Variants in KIF18A observed in about 807,000 individuals in gnomAD.
KIF18A encodes the protein kinesin-like protein KIF18A.
Under a neutral mutation model 103.3 loss-of-function variants are expected in KIF18A, and 67 were observed. The observed-to-expected ratio is 0.65, with a 90% CI of 0.53 to 0.79. KIF18A has a LOEUF of 0.79. KIF18A is among the 30% of genes least tolerant of loss of function. The pLI, the probability that KIF18A is intolerant of heterozygous loss-of-function variation, is 0.00. For missense variants in KIF18A, 1,032 were observed against 1,062.5 expected (o/e 0.97, Z 0.40); for synonymous variants, 367 against 355.5 (o/e 1.03, Z -0.36).
chr11:28,028,243 C>T (rs898673782), intron 15 of KIF18A, among the ~76,000 whole-genome samples: 1 of 152,036 alleles, frequency 6.6e-6, no homozygotes, highest in Non-Finnish European at 1.5e-5. Context: ...CAGCACCACA[C>T]TGCACTTATT....
chr11:28,062,903 T>C (rs1318674826), intron 11 of KIF18A, among the ~76,000 whole-genome samples: 2 of 152,078 alleles, frequency 1.3e-5, no homozygotes, highest in East Asian at 1.9e-4. Flanking sequence ...AATATTGTCA[T>C]AGCATTTACT....
chr11:28,107,392 T>C (rs73436518), intron 1 of KIF18A, among the ~76,000 whole-genome samples: 406 of 150,594 alleles, frequency 2.7e-3, no homozygotes, highest in African/African-American at 9.1e-3. Flanking sequence ...AAAAAAAAAG[T>C]CCTGCGGAAA....
intron 10 of KIF18A, among the ~76,000 whole-genome samples, chr11:28,074,325 G>A (rs1851061869): frequency 6.6e-6 from 1 of 151,968 alleles, no homozygotes. Flanking sequence ...ATAGTTATTT[G>A]GAAGTCATTA....
Position 28,035,422 on chromosome 11 carries a change from C to A in KIF18A, c.2469G>T (p.Met823Ile). 6.2e-7 allele frequency: 1 copy of A among 1,601,888 alleles called. No individual in the cohort carries two copies. Among genetic ancestry groups the A allele is most frequent in the Non-Finnish European group, 8.5e-7 (1 of 1,173,058 alleles). Residue 823 changes from methionine (M) to isoleucine (I), a missense_variant, in exon 15 of 17, where the codon ATG becomes ATT. Coordinates refer to ENST00000263181, the MANE Select transcript of KIF18A (RefSeq NM_031217.4). ...VPSMVPSYMAMTTAAKRKRKL... is the reference protein window; with the variant it reads ...VPSMVPSYMAITTAAKRKRKL... ...TCCGTTTCCTTTTGGCAGCAGTAGTCATTGCCATGTAGGATGGCACCATGC... is the reference window on the plus strand; with the variant it reads ...TCCGTTTCCTTTTGGCAGCAGTAGTAATTGCCATGTAGGATGGCACCATGC...
At chr11:28,100,567 G>GT (rs1245944885) in intron 1 of KIF18A, among the ~76,000 whole-genome samples, 1 of 150,554 alleles carries the variant, frequency 6.6e-6, no homozygotes, top group African/African-American at 2.4e-5. Context: ...GTGAAGGGGG[G>GT]GGGTGGTGTC....
intron 6 of KIF18A, among the ~76,000 whole-genome samples, chr11:28,085,322 C>T (rs1851213169): frequency 6.6e-6 from 1 of 152,124 alleles, no homozygotes; most frequent in Admixed American, 6.5e-5. Context: ...CTGTGGAAGG[C>T]TGGATATTAT....
At chr11:28,045,396 A>C (rs1850618496) in intron 13 of KIF18A, among the ~76,000 whole-genome samples, 1 of 151,904 alleles carries the variant, frequency 6.6e-6, no homozygotes, top group South Asian at 2.1e-4. Context: ...AAAGCAGAAA[A>C]AAAGGAAAAA....
intron 3 of KIF18A, among the ~76,000 whole-genome samples, chr11:28,094,302 A>G (rs951084154): frequency 6.6e-6 from 1 of 152,156 alleles, no homozygotes; most frequent in Non-Finnish European, 1.5e-5. Flanking sequence ...AGTTATTTTT[A>G]AAAAGTCCTG....
At position 28,054,212 on chromosome 11, in the gene KIF18A, A is replaced by AT. The variant is rs869284032; in HGVS notation, c.1948+4713dup. Among the ~76,000 whole-genome samples the AT allele has an allele frequency of 3.1e-3, 443 of 143,938 alleles. 1 individual carries two copies. The highest frequency in any genetic ancestry group is 6.0e-3 in the East Asian group (30 of 4,992). 94.4% of individuals were successfully genotyped at this position (143,938 alleles called of 152,430 possible). On this transcript the variant is annotated intron_variant, in intron 13 of 16. Coordinates refer to ENST00000263181, the MANE Select transcript of KIF18A (RefSeq NM_031217.4). ...TATTCATTATAGTTAATCTCATCAGATTTTTTTTTTTTTTTTGAGACAGAG... is the reference window on the plus strand; with the variant it reads ...TATTCATTATAGTTAATCTCATCAGATTTTTTTTTTTTTTTTTGAGACAGAG...
intron 7 of KIF18A, among the ~76,000 whole-genome samples, chr11:28,083,657 T>C (rs928612562): frequency 3.9e-5 from 6 of 152,114 alleles, no homozygotes; most frequent in Non-Finnish European, 8.8e-5. Context: ...ATTAAACATA[T>C]AAATCCAAAT....
At chr11:28,064,343 C>G (rs1850891056) in intron 11 of KIF18A, among the ~76,000 whole-genome samples, 1 of 151,848 alleles carries the variant, frequency 6.6e-6, no homozygotes, top group Non-Finnish European at 1.5e-5. Context: ...GTTTACTTGA[C>G]TAAAATTTAA....
intron 10 of KIF18A, among the ~76,000 whole-genome samples, chr11:28,074,058 G>T (rs759046116): frequency 6.6e-5 from 10 of 152,082 alleles, no homozygotes; most frequent in Admixed American, 6.6e-5. Context: ...AATAAACCAG[G>T]CATGGTGGTG....
intron 9 of KIF18A, among the ~76,000 whole-genome samples, chr11:28,080,933 C>T (rs2133550828): frequency 6.6e-6 from 1 of 152,226 alleles, no homozygotes; most frequent in South Asian, 2.1e-4. Context: ...GTGAAACAGC[C>T]TTATTGCTGA....
intron 15 of KIF18A, among the ~76,000 whole-genome samples, chr11:28,031,864 C>G (rs1462702172): frequency 6.6e-6 from 1 of 151,684 alleles, no homozygotes; most frequent in Non-Finnish European, 1.5e-5. Flanking sequence ...TAACATATTA[C>G]TGGAAGTCCT....
chr11:28,091,004 T>C (rs1000238910), intron 4 of KIF18A, among the ~76,000 whole-genome samples: 41 of 151,908 alleles, frequency 2.7e-4, no homozygotes, highest in African/African-American at 8.7e-4. Context: ...AGCTCACTCA[T>C]TGGGAGGCTG....
intron 13 of KIF18A, among the ~76,000 whole-genome samples, chr11:28,052,075 CT>C (rs1850718166): frequency 6.6e-6 from 1 of 152,040 alleles, no homozygotes; most frequent in Admixed American, 6.6e-5. Flanking sequence ...CTGGCTCTAC[CT>C]TCAAAACATT....
chr11:28,063,819 G>A (rs756576153), intron 11 of KIF18A, among the ~76,000 whole-genome samples: 3 of 151,866 alleles, frequency 2.0e-5, no homozygotes, highest in African/African-American at 4.8e-5. Flanking sequence ...TAGCTTTAGC[G>A]AGTGGAAACA....
At chr11:28,056,986 A>T (rs940715016) in intron 13 of KIF18A, 1 of 331,140 alleles carries the variant, frequency 3.0e-6, no homozygotes, top group Admixed American at 4.7e-5. Flanking sequence ...ATTTGACTAT[A>T]TAAAAGTTAA....
rs763332566 is a variant in KIF18A at position 28,091,484 on chromosome 11, TAA to T, written c.511_512del (p.Leu171SerfsTer38). ...EVYNEQIRDLLVNSGPLAVRE... is the reference protein window; with the variant it reads ...EVYNEQIRDLXVNSGPLAVRE... The stretch of plus-strand genomic sequence containing the variant: ...GGACAGCAAGTGGCCCTGAATTTAC[TAA>T]GAGATCACGAATCTGTTCATTATAT... On this transcript the variant is annotated frameshift_variant, in exon 4 of 17. Coordinates refer to ENST00000263181, the MANE Select transcript of KIF18A (RefSeq NM_031217.4). LOFTEE classifies it high-confidence loss of function. The T allele has an allele frequency of 1.2e-6, 2 of 1,609,198 alleles. No homozygotes were observed. The highest frequency in any genetic ancestry group is 2.2e-5 in the South Asian group (2 of 90,844).
Sources: allele counts gnomAD v4.1 joint callset (sites outside exome capture counted in the v4.1 genomes callset), GRCh38; gene constraint gnomAD v4.1.1; transcripts MANE v1.5; gene names NCBI Gene and HGNC (gene_info 2026-07-23, HGNC 2026-07-21).